Variants in NEURL1 observed in about 807,000 individuals in gnomAD.
The protein encoded by NEURL1 is E3 ubiquitin-protein ligase NEURL1.
In NEURL1, 26 loss-of-function variants were observed where a neutral mutation model predicts 41.2. The observed-to-expected ratio is 0.63, with a 90% CI of 0.46 to 0.87. The LOEUF (loss-of-function observed/expected upper bound fraction) is 0.87, where lower values mean the gene tolerates loss of function less well. Among genes scored for constraint, NEURL1 ranks in the 40% least tolerant of loss-of-function variants. The pLI is 0.00. For synonymous variants in NEURL1, 400 were observed against 402.3 expected (o/e 0.99, Z 0.07); for missense variants, 761 against 871.1 (o/e 0.87, Z 1.59).
chr10:103,522,602 C>T (rs1213685872), intron 1 of NEURL1, among the ~76,000 whole-genome samples: 1 of 106,726 alleles, frequency 9.4e-6, no homozygotes, highest in Non-Finnish European at 1.9e-5. Context: ...AACTCCATTT[C>T]AAAAAAAAAA....
intron 1 of NEURL1, among the ~76,000 whole-genome samples, chr10:103,531,906 T>C (rs1276208170): frequency 1.3e-5 from 2 of 152,244 alleles, no homozygotes; most frequent in Non-Finnish European, 2.9e-5. Flanking sequence ...GATTGTTATG[T>C]CCTCTTGCTG....
chr10:103,552,071 G>GTGA (rs142254497), intron 1 of NEURL1, among the ~76,000 whole-genome samples: 24,350 of 152,130 alleles, frequency 0.16, 2,125 homozygotes, highest in Non-Finnish European at 0.2. Context: ...AGGGGCAGGA[G>GTGA]TGATGTGAAG....
chr10:103,581,901 T>C (rs2035790475), intron 3 of NEURL1, among the ~76,000 whole-genome samples: 1 of 152,058 alleles, frequency 6.6e-6, no homozygotes, highest in Non-Finnish European at 1.5e-5. Flanking sequence ...AAGAAGGAAA[T>C]ACTCTTTAAA....
chr10:103,510,428 C>T (rs894218048), intron 1 of NEURL1, among the ~76,000 whole-genome samples: 3 of 152,254 alleles, frequency 2.0e-5, no homozygotes, highest in South Asian at 2.1e-4. Context: ...GTGTGCTGAG[C>T]GGCCCCTGGG....
At chr10:103,530,769 G>A (rs894990604) in intron 1 of NEURL1, among the ~76,000 whole-genome samples, 4 of 151,670 alleles carry the variant, frequency 2.6e-5, no homozygotes, top group African/African-American at 9.7e-5. Flanking sequence ...TGTAACTCCC[G>A]ACCTCAGGTG....
intron 1 of NEURL1, among the ~76,000 whole-genome samples, chr10:103,533,046 C>T (rs184059127): frequency 1.4e-3 from 211 of 151,472 alleles, no homozygotes; most frequent in Non-Finnish European, 2.1e-3. Context: ...CCTGCCTCAG[C>T]CTCCCGAGTA....
intron 1 of NEURL1, among the ~76,000 whole-genome samples, chr10:103,500,461 C>T (rs577455054): frequency 2.0e-4 from 30 of 152,166 alleles, no homozygotes; most frequent in Non-Finnish European, 2.9e-4. Context: ...TTATTGTGAT[C>T]GCTGTATTAT....
At chr10:103,560,324 C>T (rs543304959) in intron 1 of NEURL1, among the ~76,000 whole-genome samples, 1 of 152,200 alleles carries the variant, frequency 6.6e-6, no homozygotes, top group Non-Finnish European at 1.5e-5. Context: ...TTTGGAGTCC[C>T]CTCCTGGAAT....
At chr10:103,518,499 C>CAA (rs1473860189) in intron 1 of NEURL1, among the ~76,000 whole-genome samples, 1 of 152,144 alleles carries the variant, frequency 6.6e-6, no homozygotes, top group Non-Finnish European at 1.5e-5. Flanking sequence ...TGAAGAGAGA[C>CAA]AGATTTTTAA....
intron 1 of NEURL1, among the ~76,000 whole-genome samples, chr10:103,523,710 T>C (rs2034403757): frequency 6.6e-6 from 1 of 152,356 alleles, no homozygotes; most frequent in Admixed American, 6.5e-5. Context: ...TATCTTTCTG[T>C]ACCTGGCTTA....
At chr10:103,499,789 CTACTTCCCCTAT>C (rs771763172) in intron 1 of NEURL1, among the ~76,000 whole-genome samples, 271 of 152,262 alleles carry the variant, frequency 1.8e-3, no homozygotes, top group Middle Eastern at 3.4e-3. Context: ...ATTCTCGCTG[CTACTTCCCCTAT>C]CTGAGTCCTC....
chr10:103,533,315 TG>T (rs1467326411), intron 1 of NEURL1, among the ~76,000 whole-genome samples: 1 of 152,156 alleles, frequency 6.6e-6, no homozygotes, highest in African/African-American at 2.4e-5. Flanking sequence ...TTGACTTTTT[TG>T]TTCTTATTTA....
intron 3 of NEURL1, among the ~76,000 whole-genome samples, chr10:103,579,043 G>T (rs12774610): frequency 0.18 from 27,668 of 152,276 alleles, 2,710 homozygotes; most frequent in South Asian, 0.26. Flanking sequence ...CTGACGGCAA[G>T]CTCTGCCTCA....
chr10:103,577,819 G>C (rs1330154264), intron 3 of NEURL1: 2 of 152,248 alleles, frequency 1.3e-5, no homozygotes, highest in Non-Finnish European at 2.9e-5. Flanking sequence ...GTTCCCCGGA[G>C]GCTCCCGAGG....
chr10:103,582,924 G>C (rs1249304377), intron 3 of NEURL1, among the ~76,000 whole-genome samples: 1 of 152,224 alleles, frequency 6.6e-6, no homozygotes, highest in Non-Finnish European at 1.5e-5. Context: ...GAGTTGGACA[G>C]ACCTTTTTTT....
At chr10:103,588,462 A>T (rs1343800496) in intron 4 of NEURL1, among the ~76,000 whole-genome samples, 1 of 152,092 alleles carries the variant, frequency 6.6e-6, no homozygotes, top group Non-Finnish European at 1.5e-5. Context: ...GTCTGGGGGT[A>T]GTCAGGGCGG....
chr10:103,582,778 TC>T (rs1406562752), intron 3 of NEURL1, among the ~76,000 whole-genome samples: 2 of 152,178 alleles, frequency 1.3e-5, no homozygotes, highest in Non-Finnish European at 2.9e-5. Context: ...TTGGAGAGGT[TC>T]AGGGAGAAGG....
rs116767878 is a variant in NEURL1 at position 103,585,244 on chromosome 10, G to A, written c.1339+19G>A. On this transcript the variant is annotated intron_variant, in intron 4 of 5. Transcript: ENST00000369780. ...ATCCTCGGTGAGTGCCCGCAGCTGCGCCTGGGCGTATGCCTTTCCTGGAGG... is the reference window on the plus strand; with the variant it reads ...ATCCTCGGTGAGTGCCCGCAGCTGCACCTGGGCGTATGCCTTTCCTGGAGG... 2,632 of 1,485,550 alleles carry A rather than the reference G, an allele frequency of 1.8e-3. 41 individuals are homozygous for A. The African/African-American group carries it at 0.032, about 18-fold the overall frequency. 92.0% of individuals were successfully genotyped at this position (1,485,550 alleles called of 1,614,324 possible).
chr10:103,579,669 T>C (rs1311545932), intron 3 of NEURL1, among the ~76,000 whole-genome samples: 1 of 152,152 alleles, frequency 6.6e-6, no homozygotes, highest in Non-Finnish European at 1.5e-5. Flanking sequence ...GGGGCAGGCA[T>C]GGTGGCTCAC....
Sources: gnomAD v4.1 joint callset for allele counts (sites outside exome capture counted in the v4.1 genomes callset) on GRCh38, gnomAD v4.1.1 for gene constraint, MANE v1.5 for transcripts, NCBI Gene and HGNC (gene_info 2026-07-23, HGNC 2026-07-21) for gene names.